BACE1: variants seen among roughly 807,000 people sequenced by gnomAD.
The protein encoded by BACE1 is APP beta-secretase.
Under a neutral mutation model 54.0 loss-of-function variants are expected in BACE1, and 21 were observed. The ratio of observed to expected loss-of-function variants is 0.39; its 90% CI spans 0.28 to 0.56. The LOEUF (loss-of-function observed/expected upper bound fraction) is 0.56, where lower values mean the gene tolerates loss of function less well. Ranked by LOEUF, BACE1 falls within the 20% of genes least tolerant of loss-of-function variation. BACE1 has a pLI of 0.63. For missense variants in BACE1, 511 were observed against 661.2 expected (o/e 0.77, Z 2.49); for synonymous variants, 232 against 260.9 (o/e 0.89, Z 1.07).
At chr11:117,290,368 G>T in intron 8 of BACE1, 120 bp downstream of exon 8, 1 of 1,252,272 alleles carries the variant, frequency 8.0e-7, no homozygotes, top group Non-Finnish European at 1.1e-6. Flanking sequence ...TGTTGACTTG[G>T]GTTTGAGGCA....
chr11:117,300,362 G>A (rs187039010), intron 1 of BACE1, among the ~76,000 whole-genome samples: 2 of 152,328 alleles, frequency 1.3e-5, no homozygotes, highest in East Asian at 1.9e-4. Flanking sequence ...GCTCCCGCCC[G>A]AGAGAAGTAA....
At chr11:117,298,649 A>G (rs1007512961) in intron 1 of BACE1, among the ~76,000 whole-genome samples, 2 of 152,200 alleles carry the variant, frequency 1.3e-5, no homozygotes, top group African/African-American at 4.8e-5. Context: ...TCTGTCTCAC[A>G]GGTGACACAG....
intron 1 of BACE1, among the ~76,000 whole-genome samples, chr11:117,304,934 A>C (rs1396818573): frequency 1.3e-5 from 2 of 149,442 alleles, no homozygotes; most frequent in African/African-American, 4.9e-5. Context: ...CCTGCAGTTA[A>C]TTCCTATGAC....
At chr11:117,291,489 G>C (rs1415386592) in intron 6 of BACE1, among the ~76,000 whole-genome samples, 1 of 152,128 alleles carries the variant, frequency 6.6e-6, no homozygotes, top group Non-Finnish European at 1.5e-5. Context: ...TGTTGGTCAG[G>C]CTGGTCTTGA....
intron 1 of BACE1, among the ~76,000 whole-genome samples, chr11:117,304,492 G>C (rs1210041010): frequency 6.6e-6 from 1 of 152,236 alleles, no homozygotes; most frequent in Non-Finnish European, 1.5e-5. Context: ...TGGGGTCCTT[G>C]ACCCTGAAGG....
intron 6 of BACE1, among the ~76,000 whole-genome samples, chr11:117,291,325 G>A (rs2034426492): frequency 6.6e-6 from 1 of 150,980 alleles, no homozygotes; most frequent in Non-Finnish European, 1.5e-5. Flanking sequence ...TGCCCAGGCT[G>A]GAGTGCAGTG....
At chr11:117,295,026 C>T (rs988255427) in intron 3 of BACE1, 105 bp downstream of exon 3, 9 of 1,189,964 alleles carry the variant, frequency 7.6e-6, no homozygotes, top group Non-Finnish European at 1.1e-5. Context: ...ATCCTTTAAA[C>T]TGATTGTTGC....
Position 117,289,520 on chromosome 11 carries a change from G to A in BACE1, c.*46C>T, listed in dbSNP as rs778962622. The A allele has an allele frequency of 1.3e-5, 21 of 1,601,368 alleles. No homozygotes were observed. The highest frequency in any genetic ancestry group is 1.2e-4 in the Admixed American group (7 of 59,134). ...CCTACTTGTGACCAAAGTGAACCACGGAGGTGTGGTCCAGGGGAATCTCTA... is the reference window on the plus strand; with the variant it reads ...CCTACTTGTGACCAAAGTGAACCACAGAGGTGTGGTCCAGGGGAATCTCTA... On this transcript the variant is annotated 3_prime_UTR_variant, in exon 9 of 9. Coordinates refer to ENST00000313005, the MANE Select transcript of BACE1 (RefSeq NM_012104.6).
chr11:117,304,384 G>C (rs908854157), intron 1 of BACE1, among the ~76,000 whole-genome samples: 1 of 152,184 alleles, frequency 6.6e-6, no homozygotes, highest in Non-Finnish European at 1.5e-5. Context: ...GCCAACACAC[G>C]GAATCCTGAA....
Position 117,293,202 on chromosome 11 carries a change from G to A in BACE1, c.706-14C>T. The A allele has an allele frequency of 6.2e-7, 1 of 1,612,906 alleles. No individual in the cohort carries two copies. Among genetic ancestry groups the A allele is most frequent in the Middle Eastern group, 1.7e-4 (1 of 6,012 alleles). On this transcript the variant is annotated splice_polypyrimidine_tract_variant and intron_variant, in intron 4 of 8. Transcript: ENST00000313005. The surrounding 1 kb of genome is among the most constrained non-coding windows in gnomAD (Gnocchi z 4.1). ...ACCTCCAATGATCTAGGGAAAAAAA[G>A]AGGCAGGTACCCGTGTCCTGGCACA... is the stretch of plus-strand genomic sequence containing the variant.
intron 5 of BACE1, chr11:117,292,817 A>G (rs1184273868): frequency 5.2e-5 from 23 of 439,322 alleles, no homozygotes; most frequent in Non-Finnish European, 1.6e-5. Context: ...GGCAGTGACT[A>G]GAGTCCAGAC....
chr11:117,289,803 G>A lies in BACE1; in HGVS notation c.1269C>T (p.His423=), dbSNP rs759911034. The A allele has an allele frequency of 2.9e-5, 46 of 1,612,408 alleles. No homozygotes were observed. Among genetic ancestry groups the A allele is most frequent in the Non-Finnish European group, 3.6e-5 (43 of 1,178,590 alleles). The change falls in exon 9 of 9, where the codon CAC becomes CAT. Residue 423 remains histidine, a synonymous_variant. Transcript: ENST00000313005. ...CCACCGCTGCCGTCCTGAACTCATC[G>A]TGCACTGGGGAGAGGGCAAATGTGA... is the stretch of plus-strand genomic sequence containing the variant. ...IGFAVSACHV[H]DEFRTAAVEG...
chr11:117,289,270 A>G lies in BACE1; in HGVS notation c.*296T>C, dbSNP rs2034345293. 5.6e-6 allele frequency: 2 copies of G among 355,106 alleles called. No homozygotes were observed. The highest frequency in any genetic ancestry group is 1.0e-5 in the Non-Finnish European group (2 of 191,292). 22.0% of individuals were successfully genotyped at this position (355,106 alleles called of 1,614,324 possible). ...TGGAGAATTTAAAGGAATGGTGGAC[A>G]AAGGTTCAGGGCTGAAGTTTCAAGC... On this transcript the variant is annotated 3_prime_UTR_variant, in exon 9 of 9. Transcript: ENST00000313005.
intron 1 of BACE1, among the ~76,000 whole-genome samples, chr11:117,297,726 A>G (rs1326095619): frequency 6.6e-6 from 1 of 152,254 alleles, no homozygotes; most frequent in African/African-American, 2.4e-5. Context: ...CCTCATAGGT[A>G]ACACCCCTCA....
intron 2 of BACE1, among the ~76,000 whole-genome samples, chr11:117,295,821 A>G (rs1280065266): frequency 1.3e-5 from 2 of 152,148 alleles, no homozygotes; most frequent in African/African-American, 4.8e-5. Context: ...AGTTCTAGAG[A>G]AGGGGTTTGT....
At position 117,316,176 on chromosome 11, in the gene BACE1, G is replaced by A. The variant is rs1035647259; in HGVS notation, c.-381C>T. The A allele has an allele frequency of 7.5e-6, 3 of 400,326 alleles. No individual in the cohort carries two copies. Among genetic ancestry groups the A allele is most frequent in the Non-Finnish European group, 1.3e-5 (3 of 227,124 alleles). 24.8% of individuals were successfully genotyped at this position (400,326 alleles called of 1,614,324 possible). On this transcript the variant is annotated 5_prime_UTR_variant, in exon 1 of 9. Transcript: ENST00000313005. ...GGGGCAAGGGCTCCGGGCTCCTGCG[G>A]CTGCGTTGGCTGCTCAGGCCACCAT...
At chr11:117,310,511 C>T (rs1457682849) in intron 1 of BACE1, among the ~76,000 whole-genome samples, 1 of 151,974 alleles carries the variant, frequency 6.6e-6, no homozygotes, top group Non-Finnish European at 1.5e-5. Context: ...ACCTCTGCCT[C>T]CTGGGTTCAA....
intron 1 of BACE1, among the ~76,000 whole-genome samples, chr11:117,312,992 TGTGGA>T (rs1446807521): frequency 6.6e-6 from 1 of 152,258 alleles, no homozygotes; most frequent in Non-Finnish European, 1.5e-5. Flanking sequence ...CTTGTCTCTT[TGTGGA>T]TCAGCCCCCA....
chr11:117,304,923 C>T (rs1037333966), intron 1 of BACE1, among the ~76,000 whole-genome samples: 20 of 151,626 alleles, frequency 1.3e-4, no homozygotes, highest in African/African-American at 4.8e-4. Flanking sequence ...CTGCCTCATT[C>T]CCTGCAGTTA....
Sources: allele counts gnomAD v4.1 joint callset (sites outside exome capture counted in the v4.1 genomes callset), GRCh38; gene constraint gnomAD v4.1.1; non-coding constraint Gnocchi (gnomAD v3.1); transcripts MANE v1.5; gene names NCBI Gene and HGNC (gene_info 2026-07-23, HGNC 2026-07-21).